Variants in GNAQ observed in about 807,000 individuals in gnomAD.
GNAQ encodes the protein guanine nucleotide-binding protein G(q) subunit alpha.
Under a neutral mutation model 43.9 loss-of-function variants are expected in GNAQ, and 8 were observed. The ratio of observed to expected loss-of-function variants is 0.18; its 90% CI spans 0.11 to 0.33. The LOEUF is 0.33. Ranked by LOEUF, GNAQ falls within the 10% of genes least tolerant of loss-of-function variation. The pLI is 1.00. For missense variants in GNAQ, 158 were observed against 450.8 expected, an observed-to-expected ratio of 0.35 and a Z score of 5.88; for synonymous variants, 155 against 170.7, an observed-to-expected ratio of 0.91 and a Z score of 0.71.
chr9:77,944,834 C>T (rs1829364135), intron 1 of GNAQ, among the ~76,000 whole-genome samples: 1 of 152,178 alleles, frequency 6.6e-6, no homozygotes, highest in Admixed American at 6.5e-5. Context: ...CTGAATAATT[C>T]AGGTATTCAG....
chr9:77,806,355 CAT>C (rs1826829531), intron 3 of GNAQ, among the ~76,000 whole-genome samples: 1 of 152,160 alleles, frequency 6.6e-6, no homozygotes, highest in African/African-American at 2.4e-5. Context: ...TTAATTTACA[CAT>C]ATTTATTGGG....
At chr9:77,982,810 G>T (rs980223127) in intron 1 of GNAQ, among the ~76,000 whole-genome samples, 8 of 151,346 alleles carry the variant, frequency 5.3e-5, no homozygotes, top group African/African-American at 1.2e-4. Context: ...GTGGGGAGAG[G>T]GGGGAGGGAT....
rs138175287 is a variant in GNAQ at position 77,767,900 on chromosome 9, G to A, written c.735+26563C>T. ...TCTCCAAATACAAGGAGTTTATTGA[G>A]TTTTAATGTTTTGAGGTTTTAGTGT... On this transcript the variant is annotated intron_variant, in intron 5 of 6. Coordinates refer to ENST00000286548, the MANE Select transcript of GNAQ (RefSeq NM_002072.5). Among the ~76,000 whole-genome samples, 736 of 152,230 alleles carry A rather than the reference G, an allele frequency of 4.8e-3. 7 individuals carry two copies. Among genetic ancestry groups the A allele is most frequent in the African/African-American group, 0.017 (707 of 41,542 alleles).
chr9:77,725,579 TAAAAAA>T (rs55766160), intron 6 of GNAQ, among the ~76,000 whole-genome samples: 20 of 57,160 alleles, frequency 3.5e-4, no homozygotes, highest in Admixed American at 2.1e-4. Context: ...AAGGTAACAG[TAAAAAA>T]AAAAAAAAAA....
intron 1 of GNAQ, among the ~76,000 whole-genome samples, chr9:77,963,780 A>G (rs1823133523): frequency 6.6e-6 from 1 of 152,014 alleles, no homozygotes; most frequent in Non-Finnish European, 1.5e-5. Context: ...CAATGTTCCT[A>G]CTCGTTCCCT....
chr9:77,889,357 G>A (rs1177221847), intron 2 of GNAQ, among the ~76,000 whole-genome samples: 1 of 130,142 alleles, frequency 7.7e-6, no homozygotes, highest in Non-Finnish European at 1.5e-5. Context: ...GGTGCAGTGA[G>A]CCAAGATCCT....
intron 2 of GNAQ, among the ~76,000 whole-genome samples, chr9:77,824,066 T>A (rs1215231300): frequency 6.6e-6 from 1 of 152,238 alleles, no homozygotes; most frequent in Non-Finnish European, 1.5e-5. Flanking sequence ...TGTACTTTAG[T>A]CATGTTCTTA....
intron 1 of GNAQ, among the ~76,000 whole-genome samples, chr9:77,945,379 T>C (rs1045002566): frequency 6.6e-6 from 1 of 152,190 alleles, no homozygotes; most frequent in African/African-American, 2.4e-5. Context: ...AATTCCACAC[T>C]GCTTTGTTAC....
chr9:77,743,653 C>CT (rs202118917), intron 5 of GNAQ, among the ~76,000 whole-genome samples: 3 of 111,224 alleles, frequency 2.7e-5, no homozygotes, highest in South Asian at 3.2e-4. Flanking sequence ...ATTGGCTGAT[C>CT]TTTTTTTTTT....
At chr9:77,810,525 A>C (rs2118497648) in intron 3 of GNAQ, among the ~76,000 whole-genome samples, 1 of 152,314 alleles carries the variant, frequency 6.6e-6, no homozygotes, top group Non-Finnish European at 1.5e-5. Context: ...ACATATATTA[A>C]ATATTCAGTA....
At chr9:77,865,555 C>T (rs896882549) in intron 2 of GNAQ, among the ~76,000 whole-genome samples, 6 of 152,188 alleles carry the variant, frequency 3.9e-5, no homozygotes, top group African/African-American at 1.2e-4. Flanking sequence ...TCACCAACCA[C>T]GTGACAAATT....
rs1229145332 is a variant in GNAQ, at chr9:77,989,588, A to T, written c.136+41512T>A. 2.0e-5 allele frequency among the ~76,000 whole-genome samples: 3 copies of T among 152,220 alleles called. No individual in the cohort carries two copies. The South Asian group carries it at 6.2e-4, about 32-fold the overall frequency. On this transcript the variant is annotated intron_variant, in intron 1 of 6. Coordinates refer to ENST00000286548, the MANE Select transcript of GNAQ (RefSeq NM_002072.5). ...CTTTTTGTCTCTAGTCTGGCTGCAT[A>T]TGGCTGTGGAGCTGGAAGCCCTGTG...
intron 2 of GNAQ, among the ~76,000 whole-genome samples, chr9:77,864,007 G>T (rs11145595): frequency 0.53 from 80,943 of 151,682 alleles, 24,959 homozygotes; most frequent in Non-Finnish European, 0.69. Context: ...AAGAAAAGAG[G>T]TTTATTTGGC....
intron 3 of GNAQ, among the ~76,000 whole-genome samples, chr9:77,813,503 A>G (rs943860415): frequency 6.6e-6 from 1 of 152,118 alleles, no homozygotes; most frequent in African/African-American, 2.4e-5. Context: ...GCAGCATCCA[A>G]TCCTCATACT....
intron 1 of GNAQ, among the ~76,000 whole-genome samples, chr9:77,991,152 ATTGAC>A: frequency 6.6e-6 from 1 of 152,338 alleles, no homozygotes; most frequent in South Asian, 2.1e-4. Context: ...GCCATTTACA[ATTGAC>A]ATATCATTTG....
intron 1 of GNAQ, among the ~76,000 whole-genome samples, chr9:77,950,341 C>T (rs1822960071): frequency 6.6e-6 from 1 of 152,162 alleles, no homozygotes; most frequent in Non-Finnish European, 1.5e-5. Flanking sequence ...TGCTTCTGTG[C>T]CTCCACGCTA....
Position 77,972,908 on chromosome 9 carries a change from G to GT in GNAQ, c.137-50564dup, listed in dbSNP as rs1195044227. Among the ~76,000 whole-genome samples the GT allele has an allele frequency of 6.2e-5, 9 of 146,210 alleles. No homozygotes were observed. In the East Asian group the frequency reaches 1.8e-3, roughly 30 times the overall value. ...GTGGAGTTTGCAGTGAGCCGAGATC[G>GT]TACCATTGTACTCCAGCCTGGGTGA... is the stretch of plus-strand genomic sequence containing the variant. On this transcript the variant is annotated intron_variant, in intron 1 of 6. Transcript: ENST00000286548.
At chr9:77,867,885 A>G (rs1168307674) in intron 2 of GNAQ, among the ~76,000 whole-genome samples, 1 of 152,246 alleles carries the variant, frequency 6.6e-6, no homozygotes, top group Non-Finnish European at 1.5e-5. Context: ...CAAAGGCCAC[A>G]TCATCATTAA....
At chr9:77,914,485 C>A (rs1219467828) in intron 2 of GNAQ, among the ~76,000 whole-genome samples, 1 of 152,004 alleles carries the variant, frequency 6.6e-6, no homozygotes, top group Non-Finnish European at 1.5e-5. Context: ...CATGGAGAAA[C>A]CTTGTCTCTA....
Sources: allele counts gnomAD v4.1 joint callset (sites outside exome capture counted in the v4.1 genomes callset), GRCh38; gene constraint gnomAD v4.1.1; transcripts MANE v1.5; gene names NCBI Gene and HGNC (gene_info 2026-07-23, HGNC 2026-07-21).